PCNT: variants seen among roughly 807,000 people sequenced by gnomAD.
The protein encoded by PCNT is pericentrin, also known as kendrin.
In PCNT, 319 loss-of-function variants were observed where a neutral mutation model predicts 380.4. The observed-to-expected ratio is 0.84, with a 90% CI of 0.77 to 0.92. The LOEUF (loss-of-function observed/expected upper bound fraction) is 0.92, where lower values mean the gene tolerates loss of function less well. Among genes scored for constraint, PCNT ranks in the 40% least tolerant of loss-of-function variants. The pLI is 0.00. For synonymous variants in PCNT, 1,845 were observed against 1,735.2 expected (o/e 1.06, Z -1.57); for missense variants, 4,400 against 4,255.3 (o/e 1.03, Z -0.95).
chr21:46,416,550 C>T lies in PCNT; in HGVS notation c.6632C>T (p.Pro2211Leu). 6.2e-7 allele frequency: 1 copy of T among 1,612,914 alleles called. No individual in the cohort carries two copies. Among genetic ancestry groups the T allele is most frequent in the East Asian group, 2.2e-5 (1 of 44,882 alleles). ...RHQSHTAEAG[P>L]RKSPVGMLDL... Reference sequence around the variant, plus strand: ...CAGAGCCACACTGCAGAGGCTGGGCCCCGGAAGAGCCCGGTCGGGATGCTG... The same window carrying T: ...CAGAGCCACACTGCAGAGGCTGGGCTCCGGAAGAGCCCGGTCGGGATGCTG... The change falls in exon 30 of 47, where the codon CCC becomes CTC. Residue 2211 changes from proline (P) to leucine (L), a missense_variant. Pro to Leu is a moderately conservative substitution (Grantham distance 98). Transcript: ENST00000359568.
chr21:46,357,717 C>T (rs2084528042), intron 13 of PCNT, among the ~76,000 whole-genome samples: 2 of 152,198 alleles, frequency 1.3e-5, no homozygotes, highest in African/African-American at 4.8e-5. Context: ...GTGTGAGCCA[C>T]CACGCCCGGC....
chr21:46,391,032 C>T, intron 20 of PCNT, 132 bp from the exon 21 acceptor site: 1 of 1,110,788 alleles, frequency 9.0e-7, no homozygotes. Flanking sequence ...AGGCCTACAC[C>T]TGGGTCCTGG....
chr21:46,400,925 A>G (rs2086403860), intron 25 of PCNT, among the ~76,000 whole-genome samples: 2 of 152,196 alleles, frequency 1.3e-5, no homozygotes, highest in Admixed American at 1.3e-4. Flanking sequence ...ACCGCTGAGC[A>G]TCACCTGCAC....
chr21:46,431,224 A>AT (rs2087749856), intron 37 of PCNT: 3 of 1,257,730 alleles, frequency 2.4e-6, no homozygotes, highest in Admixed American at 7.4e-5. Flanking sequence ...TGGTGGAGTG[A>AT]TTTTCTGGAG....
chr21:46,385,915 G>T lies in PCNT; in HGVS notation c.3396G>T (p.Arg1132=). 6.2e-7 allele frequency: 1 copy of T among 1,614,204 alleles called. No individual in the cohort carries two copies. Among genetic ancestry groups the T allele is most frequent in the South Asian group, 1.1e-5 (1 of 91,086 alleles). Residue 1132 remains arginine (R), a synonymous_variant, in exon 17 of 47, where the codon CGG becomes CGT. Transcript: ENST00000359568. ...ELEVLQQRRE[R]ENREGANLLS... is the part of the protein sequence containing the mutation. ...AGGTGCTGCAGCAGAGGCGGGAGCG[G>T]GAGAACCGGGAAGGCGCAAACCTCC...
intron 14 of PCNT, among the ~76,000 whole-genome samples, chr21:46,365,582 G>C (rs954874381): frequency 6.8e-6 from 1 of 146,410 alleles, no homozygotes; most frequent in African/African-American, 2.5e-5. Context: ...CTCCCATGGG[G>C]TTCTGATCAC....
chr21:46,436,975 A>C lies in PCNT; in HGVS notation c.8997-4A>C. The C allele has an allele frequency of 6.2e-7, 1 of 1,609,404 alleles. No homozygotes were observed. The highest frequency in any genetic ancestry group is 1.1e-5 in the South Asian group (1 of 90,996). Reference sequence around the variant, plus strand: ...CAACTTTGAGTGCCCATTTATTTTTACAGGACAGTTAATGATTGGACGTCA... The same window carrying C: ...CAACTTTGAGTGCCCATTTATTTTTCCAGGACAGTTAATGATTGGACGTCA... On this transcript the variant is annotated splice_polypyrimidine_tract_variant and splice_region_variant and intron_variant, in intron 39 of 46. Coordinates refer to ENST00000359568, the MANE Select transcript of PCNT (RefSeq NM_006031.6).
intron 14 of PCNT, among the ~76,000 whole-genome samples, chr21:46,364,553 G>A (rs929488727): frequency 1.3e-5 from 2 of 152,204 alleles, no homozygotes; most frequent in African/African-American, 4.8e-5. Context: ...TCCACTAAGC[G>A]TTTTTGTGTT....
chr21:46,408,505 T>A (rs1343438048), intron 27 of PCNT, among the ~76,000 whole-genome samples: 1 of 152,220 alleles, frequency 6.6e-6, no homozygotes, highest in Non-Finnish European at 1.5e-5. Context: ...CACTACCGTT[T>A]TACATTCCAC....
chr21:46,346,833 AAGG>A lies in PCNT; in HGVS notation c.814_816del (p.Glu272del). ...GGAGCTGACACAGGCCAACCTCCAG[AAGG>A]AGAAGGAGACGGCATTGACGGAGCT... On this transcript the variant is annotated inframe_deletion, in exon 5 of 47. Transcript: ENST00000359568. 1 of 1,607,444 alleles carries A rather than the reference AAGG, an allele frequency of 6.2e-7. No individual in the cohort carries two copies. The highest frequency in any genetic ancestry group is 8.5e-7 in the Non-Finnish European group (1 of 1,177,558).
intron 16 of PCNT, among the ~76,000 whole-genome samples, chr21:46,384,044 A>AT (rs1165283744): frequency 6.9e-6 from 1 of 145,646 alleles, no homozygotes; most frequent in Non-Finnish European, 1.5e-5. Flanking sequence ...ATGGAAGCAC[A>AT]TTCACAGTGC....
At chr21:46,392,238 T>G (rs2086058818) in intron 21 of PCNT, among the ~76,000 whole-genome samples, 1 of 152,194 alleles carries the variant, frequency 6.6e-6, no homozygotes, top group African/African-American at 2.4e-5. Flanking sequence ...TTGTTTTTTT[T>G]GAGATGGAGT....
chr21:46,382,732 C>G (rs1220631003), intron 16 of PCNT, among the ~76,000 whole-genome samples: 8 of 139,562 alleles, frequency 5.7e-5, no homozygotes, highest in African/African-American at 1.8e-4. Context: ...AGCGCATTCA[C>G]AGTGCTGTGC....
intron 15 of PCNT, among the ~76,000 whole-genome samples, chr21:46,370,124 G>T (rs1294751132): frequency 2.6e-5 from 4 of 151,996 alleles, no homozygotes; most frequent in African/African-American, 9.7e-5. Context: ...GGAGCCGCTG[G>T]ATTGTGCGTG....
At chr21:46,380,928 GCCA>G (rs1257417365) in intron 15 of PCNT, among the ~76,000 whole-genome samples, 1 of 152,114 alleles carries the variant, frequency 6.6e-6, no homozygotes, top group East Asian at 1.9e-4. Context: ...ACTTTTGGAG[GCCA>G]GTGTGGGTGG....
At chr21:46,357,629 T>C (rs981404422) in intron 13 of PCNT, among the ~76,000 whole-genome samples, 1 of 152,166 alleles carries the variant, frequency 6.6e-6, no homozygotes, top group Non-Finnish European at 1.5e-5. Flanking sequence ...GGGTTTCACC[T>C]TGTTGGCCAG....
chr21:46,445,289 A>C lies in PCNT; in HGVS notation c.9973A>C (p.Thr3325Pro), dbSNP rs7509902. Residue 3325 changes from threonine (T) to proline (P), a missense_variant, in exon 47 of 47, where the codon ACT (threonine) becomes CCT (proline). Coordinates refer to ENST00000359568, the MANE Select transcript of PCNT (RefSeq NM_006031.6). ...TCATTTTTATTTATATGCAGATTCT[A>C]CTTCAAAGAAATCCTGCCACCCGAT... ...QRLGGVLPDS[T>P]SKKSCHPMIK... 3.1e-6 allele frequency: 5 copies of C among 1,606,164 alleles called. No homozygotes were observed. The highest frequency in any genetic ancestry group is 4.3e-6 in the Non-Finnish European group (5 of 1,172,634).
At chr21:46,395,403 C>A (rs1002813400) in intron 21 of PCNT, among the ~76,000 whole-genome samples, 4 of 151,446 alleles carry the variant, frequency 2.6e-5, no homozygotes, top group Admixed American at 2.6e-4. Flanking sequence ...CGGGACTCAG[C>A]AGCAGAGACT....
intron 18 of PCNT, 27 bp from the exon 19 acceptor site, chr21:46,389,172 G>T (rs368774540): frequency 1.2e-6 from 2 of 1,601,328 alleles, no homozygotes; most frequent in East Asian, 4.5e-5. Flanking sequence ...ACTGAGCCGC[G>T]TGTGCCGGCA....
Sources: allele counts gnomAD v4.1 joint callset (sites outside exome capture counted in the v4.1 genomes callset), GRCh38; gene constraint gnomAD v4.1.1; transcripts MANE v1.5; gene names NCBI Gene and HGNC (gene_info 2026-07-23, HGNC 2026-07-21).